The following DNAH5 variants were observed in gnomAD, a reference collection of about 807,000 sequenced individuals.
The protein encoded by DNAH5 is axonemal beta dynein heavy chain 5.
A neutral mutation model predicts 518.2 loss-of-function variants in DNAH5; 372 were observed. The observed-to-expected ratio is 0.72, with a 90% confidence interval of 0.66 to 0.78. DNAH5 has a LOEUF of 0.78. Among genes scored for constraint, DNAH5 ranks in the 30% least tolerant of loss-of-function variants. The pLI is 0.00. For missense variants in DNAH5, 5,523 were observed against 5,687.0 expected, an observed-to-expected ratio of 0.97 and a Z score of 0.93; for synonymous variants, 2,039 against 2,025.9, an observed-to-expected ratio of 1.01 and a Z score of -0.17.
chr5:13,952,749 C>G (rs1051361873), intron 1 of DNAH5, among the ~76,000 whole-genome samples: 3 of 152,148 alleles, frequency 2.0e-5, no homozygotes, highest in Admixed American at 1.3e-4. Context: ...CCAAGGAGGA[C>G]AAAAATAACC....
intron 15 of DNAH5, chr5:13,897,543 T>G (rs1391628898): frequency 1.3e-5 from 2 of 152,248 alleles, no homozygotes; most frequent in African/African-American, 4.8e-5. Context: ...AGTTAAACTG[T>G]CTTCCAAGGA....
intron 3 of DNAH5, among the ~76,000 whole-genome samples, chr5:13,926,922 A>C (rs1777929635): frequency 6.6e-6 from 1 of 152,240 alleles, no homozygotes; most frequent in Admixed American, 6.5e-5. Flanking sequence ...CTTTCTAAGC[A>C]CAAAATATCA....
Position 13,885,172 on chromosome 5 carries a change from T to C in DNAH5, c.2800A>G (p.Asn934Asp). The C allele has an allele frequency of 6.2e-7, 1 of 1,614,192 alleles. No homozygotes were observed. Among genetic ancestry groups the C allele is most frequent in the Non-Finnish European group, 8.5e-7 (1 of 1,179,994 alleles). Residue 934 changes from asparagine to aspartate, a missense_variant, in exon 19 of 79, where the codon AAT becomes GAT. Physicochemically the swap from Asn to Asp is conservative, Grantham distance 23. Around this residue, in one of 3 missense-constraint regions of DNAH5, gnomAD observed 5,121 missense variants for 5,223.3 expected, o/e 0.98. Coordinates refer to ENST00000265104, the MANE Select transcript of DNAH5 (RefSeq NM_001369.3). The part of the protein sequence containing the change: ...TLTSSINARA[N>D]ALLLTTVTRK... The stretch of plus-strand genomic sequence containing the variant: ...GTGACTGTCGTCAAAAGCAGGGCAT[T>C]GGCCCTGGCATTAATAGATGATGTC...
At chr5:13,807,546 T>A (rs756575735) in intron 47 of DNAH5, 45 bp downstream of exon 47, 2 of 1,599,214 alleles carry the variant, frequency 1.3e-6, no homozygotes, top group South Asian at 1.1e-5. Context: ...CCTCCAAAGT[T>A]TATCACAAAA....
intron 30 of DNAH5, among the ~76,000 whole-genome samples, chr5:13,859,211 T>C (rs1414668205): frequency 6.6e-6 from 1 of 152,180 alleles, no homozygotes; most frequent in African/African-American, 2.4e-5. Flanking sequence ...TTTTGTTTTT[T>C]TAACCCTCTA....
At position 13,911,591 on chromosome 5, in the gene DNAH5, GAA is replaced by G. The variant is rs34152978; in HGVS notation, c.1537-100_1537-99del. On this transcript the variant is annotated intron_variant, in intron 11 of 78. Transcript: ENST00000265104. The stretch of plus-strand genomic sequence containing the variant: ...TGTAGAGCCTATACAATAATTGCCA[GAA>G]AAAAAATAAGTTTAAAGGAAGCCTT... 347,944 of 922,962 alleles carry G rather than the reference GAA, an allele frequency of 0.38. 71,409 individuals carry two copies. The highest frequency in any genetic ancestry group is 0.75 in the East Asian group (28,244 of 37,422). The allele number at this position is 922,962 out of a possible 1,614,324, so 57.2% of individuals were successfully genotyped here. A position where few individuals can be genotyped will look rare whatever the true frequency, so the allele number is the denominator to read the frequency against.
At chr5:13,827,731 A>G (rs980144559) in intron 38 of DNAH5, among the ~76,000 whole-genome samples, 2 of 151,934 alleles carry the variant, frequency 1.3e-5, no homozygotes, top group Non-Finnish European at 2.9e-5. Flanking sequence ...TTCCCACCCA[A>G]ATCTCATCCC....
intron 60 of DNAH5, among the ~76,000 whole-genome samples, chr5:13,760,015 A>G (rs983575263): frequency 2.0e-5 from 3 of 152,212 alleles, no homozygotes; most frequent in African/African-American, 7.2e-5. Flanking sequence ...ATCGCTTGTA[A>G]GTTACAATTT....
At chr5:13,997,138 T>G (rs1478921710) in intron 1 of DNAH5, among the ~76,000 whole-genome samples, 6 of 152,270 alleles carry the variant, frequency 3.9e-5, no homozygotes, top group Admixed American at 3.9e-4. Flanking sequence ...ACATCCATGG[T>G]GTTCTCTCCT....
intron 55 of DNAH5, among the ~76,000 whole-genome samples, chr5:13,774,411 A>G (rs544554943): frequency 1.3e-5 from 2 of 152,278 alleles, no homozygotes; most frequent in African/African-American, 2.4e-5. Context: ...TGAAGCATCC[A>G]TAAGAATGGA....
intron 28 of DNAH5, among the ~76,000 whole-genome samples, chr5:13,863,415 A>C (rs56234176): frequency 0.42 from 63,279 of 151,564 alleles, 13,404 homozygotes; most frequent in South Asian, 0.48. Context: ...CCTAATCAAG[A>C]CCATGATCTT....
chr5:13,872,210 G>C (rs138091103), intron 22 of DNAH5, among the ~76,000 whole-genome samples: 1 of 152,290 alleles, frequency 6.6e-6, no homozygotes, highest in Non-Finnish European at 1.5e-5. Flanking sequence ...GCCTCAATGG[G>C]AATCTACTGA....
At chr5:13,807,818 AC>A in intron 46 of DNAH5, 93 bp from the exon 47 acceptor site, 1 of 1,024,020 alleles carries the variant, frequency 9.8e-7, no homozygotes, top group Non-Finnish European at 1.5e-6. Context: ...TGAATCTTCA[AC>A]CCCTAGTACC....
At chr5:13,946,630 T>TATA, upstream of DNAH5, among the ~76,000 whole-genome samples, 1 of 152,356 alleles carries the variant, frequency 6.6e-6, no homozygotes. Context: ...GGCAGGGCTC[T>TATA]ATATATAGGA....
At chr5:13,771,287 G>C in intron 55 of DNAH5, 1 of 386,802 alleles carries the variant, frequency 2.6e-6, no homozygotes, top group Non-Finnish European at 4.8e-6. Context: ...CTGTTTTATG[G>C]TTTACATCAG....
chr5:13,929,009 T>C (rs1390240874), intron 2 of DNAH5, among the ~76,000 whole-genome samples: 2 of 152,206 alleles, frequency 1.3e-5, no homozygotes, highest in Non-Finnish European at 1.5e-5. Context: ...TCCCAAAGAA[T>C]TGAAAGCGGG....
intron 21 of DNAH5, among the ~76,000 whole-genome samples, chr5:13,881,942 A>T (rs1187035940): frequency 6.6e-6 from 1 of 152,130 alleles, no homozygotes; most frequent in African/African-American, 2.4e-5. Flanking sequence ...AGCTAGACTA[A>T]GTAAAAAAGA....
intron 21 of DNAH5, among the ~76,000 whole-genome samples, chr5:13,878,060 A>C (rs1046596118): frequency 2.0e-5 from 3 of 152,114 alleles, no homozygotes; most frequent in Non-Finnish European, 4.4e-5. Context: ...GTGTCTCTCT[A>C]GACCACAGGA....
intron 30 of DNAH5, among the ~76,000 whole-genome samples, chr5:13,852,397 C>T (rs1767005684): frequency 1.3e-5 from 2 of 152,154 alleles, no homozygotes; most frequent in African/African-American, 4.8e-5. Flanking sequence ...GAACTCCCGA[C>T]CTCAGGTAAT....
Sources: allele counts gnomAD v4.1 joint callset (sites outside exome capture counted in the v4.1 genomes callset), GRCh38; gene constraint gnomAD v4.1.1; regional missense constraint gnomAD v4.1.1; transcripts MANE v1.5; gene names NCBI Gene and HGNC (gene_info 2026-07-23, HGNC 2026-07-21).